CAPN7: variants seen among roughly 807,000 people sequenced by gnomAD.
CAPN7 encodes the protein calpain-7.
Under a neutral mutation model 115.2 loss-of-function variants are expected in CAPN7, and 72 were observed. The ratio of observed to expected loss-of-function variants is 0.63; its 90% CI spans 0.52 to 0.76. CAPN7 has a LOEUF of 0.76. Among genes scored for constraint, CAPN7 ranks in the 30% least tolerant of loss-of-function variants. The pLI, the probability that CAPN7 is intolerant of heterozygous loss-of-function variation, is 0.00. For missense variants in CAPN7, 905 were observed against 971.5 expected (o/e 0.93, Z 0.91); for synonymous variants, 344 against 322.3 (o/e 1.07, Z -0.72).
chr3:15,221,135 AAT>A (rs1693956410), intron 5 of CAPN7, 154 bp downstream of exon 5: 1 of 539,278 alleles, frequency 1.9e-6, no homozygotes, highest in African/African-American at 1.9e-5. Flanking sequence ...CACAACTTGA[AAT>A]AGTTAAAATT....
intron 5 of CAPN7, among the ~76,000 whole-genome samples, chr3:15,222,065 T>A (rs1385371377): frequency 2.1e-5 from 3 of 141,258 alleles, no homozygotes; most frequent in Admixed American, 6.9e-5. Context: ...AGGTTTTACA[T>A]GCATCAAAAA....
chr3:15,232,451 T>C lies in CAPN7; in HGVS notation c.1033-68T>C, dbSNP rs369807478. 7.0e-6 allele frequency: 9 copies of C among 1,294,954 alleles called. No individual in the cohort carries two copies. The East Asian group carries it at 7.2e-5, about 10-fold the overall frequency. The allele number at this position is 1,294,954 out of a possible 1,614,324, so 80.2% of individuals were successfully genotyped here. On this transcript the variant is annotated intron_variant, in intron 9 of 20. Coordinates refer to ENST00000253693, the MANE Select transcript of CAPN7 (RefSeq NM_014296.3). ...TTTATCAGTATGAAAGGTATGTTTT[T>C]ATTTCTTGATAGAAAGGATTTTAAG...
Position 15,225,274 on chromosome 3 carries a change from A to G in CAPN7, c.725+1713A>G, listed in dbSNP as rs1212228450. ...CCTCTTTGACTAATGATTTTACTTC[A>G]GGAATCCAGTTGTAAGGAACTATTT... On this transcript the variant is annotated intron_variant, in intron 6 of 20. Coordinates refer to ENST00000253693, the MANE Select transcript of CAPN7 (RefSeq NM_014296.3). 2.6e-5 allele frequency among the ~76,000 whole-genome samples: 4 copies of G among 152,336 alleles called. No individual in the cohort carries two copies. In the East Asian group the frequency reaches 7.7e-4, roughly 29 times the overall value.
intron 15 of CAPN7, among the ~76,000 whole-genome samples, chr3:15,241,976 T>TAC (rs1435112121): frequency 1.3e-5 from 2 of 152,230 alleles, no homozygotes; most frequent in Non-Finnish European, 2.9e-5. Flanking sequence ...TATACATTCA[T>TAC]ACATTGTGGT....
At chr3:15,218,583 G>T (rs1465595652) in intron 4 of CAPN7, 43 bp downstream of exon 4, 1 of 1,387,362 alleles carries the variant, frequency 7.2e-7, no homozygotes, top group East Asian at 2.3e-5. Context: ...ATGGCACTTA[G>T]TGTTATTTAA....
intron 6 of CAPN7, among the ~76,000 whole-genome samples, chr3:15,226,693 A>C (rs1164625482): frequency 2.6e-5 from 4 of 152,146 alleles, no homozygotes; most frequent in Non-Finnish European, 1.5e-5. Context: ...TGTTTGAGAT[A>C]TGTTATATGC....
At chr3:15,224,724 T>A (rs1205928404) in intron 6 of CAPN7, among the ~76,000 whole-genome samples, 2 of 152,168 alleles carry the variant, frequency 1.3e-5, no homozygotes, top group African/African-American at 4.8e-5. Flanking sequence ...ATTTCTCCAA[T>A]GAGCATGTTA....
intron 12 of CAPN7, among the ~76,000 whole-genome samples, chr3:15,239,638 A>T (rs1247981389): frequency 6.6e-6 from 1 of 152,242 alleles, no homozygotes; most frequent in Non-Finnish European, 1.5e-5. Flanking sequence ...GGAGAATTCA[A>T]AGTAATTAAA....
intron 9 of CAPN7, among the ~76,000 whole-genome samples, chr3:15,231,474 A>G (rs1000290101): frequency 2.6e-5 from 4 of 152,130 alleles, no homozygotes; most frequent in African/African-American, 4.8e-5. Flanking sequence ...TTAAAGATGT[A>G]TGGCATAATC....
chr3:15,227,910 A>G lies in CAPN7; in HGVS notation c.797A>G (p.Asp266Gly). ...TTFSKWVRPE[D>G]LTNNPTMIYT... is the part of the protein sequence containing the mutation. ...TTTTCCAAGTGGGTACGACCAGAAGACCTCACCAACAATCCTACAATGATA... is the reference window on the plus strand; with the variant it reads ...TTTTCCAAGTGGGTACGACCAGAAGGCCTCACCAACAATCCTACAATGATA... Residue 266 changes from aspartate (D) to glycine (G), a missense_variant, in exon 7 of 21, where the codon GAC becomes GGC. Transcript: ENST00000253693. 6.4e-7 allele frequency: 1 copy of G among 1,550,566 alleles called. No individual in the cohort carries two copies. The highest frequency in any genetic ancestry group is 8.7e-7 in the Non-Finnish European group (1 of 1,146,918).
intron 6 of CAPN7, among the ~76,000 whole-genome samples, chr3:15,224,877 T>A (rs968849619): frequency 2.6e-5 from 4 of 152,152 alleles, no homozygotes; most frequent in Non-Finnish European, 5.9e-5. Flanking sequence ...AGTTAACATA[T>A]TTTTTTCACT....
intron 4 of CAPN7, among the ~76,000 whole-genome samples, chr3:15,219,878 C>T (rs17480477): frequency 0.13 from 19,091 of 152,232 alleles, 1,662 homozygotes; most frequent in Non-Finnish European, 0.17. Flanking sequence ...CTCTCGTTTG[C>T]ACTTCTCACA....
Position 15,217,406 on chromosome 3 carries a change from A to G in CAPN7, c.212-19A>G. 1 of 1,539,896 alleles carries G rather than the reference A, an allele frequency of 6.5e-7. No homozygotes were observed. The highest frequency in any genetic ancestry group is 8.8e-7 in the Non-Finnish European group (1 of 1,136,142). On this transcript the variant is annotated intron_variant, in intron 2 of 20. Transcript: ENST00000253693. ...TATTTAGATAATACTCCTTCTGCGTATTTTTTTTTCTATCCTAGTTCAGTC... is the reference window on the plus strand; with the variant it reads ...TATTTAGATAATACTCCTTCTGCGTGTTTTTTTTTCTATCCTAGTTCAGTC...
rs749630786 is a variant in CAPN7 at position 15,231,919 on chromosome 3, C to G, written c.1033-600C>G. Among the ~76,000 whole-genome samples, 6 of 152,272 alleles carry G rather than the reference C, an allele frequency of 3.9e-5. No homozygotes were observed. In the South Asian group the frequency reaches 1.0e-3, roughly 26 times the overall value. On this transcript the variant is annotated intron_variant, in intron 9 of 20. Transcript: ENST00000253693. ...TTCTAGCCATAATGTTCTACTCTTA[C>G]AACTATACATGAGTCTTTTTATAGG...
intron 15 of CAPN7, 135 bp downstream of exon 15, chr3:15,241,723 G>T: frequency 1.5e-6 from 1 of 679,654 alleles, no homozygotes; most frequent in Non-Finnish European, 2.4e-6. Context: ...TCAGATAAAT[G>T]AATATTTTCC....
At chr3:15,243,462 A>G (rs905693790) in intron 16 of CAPN7, among the ~76,000 whole-genome samples, 6 of 152,154 alleles carry the variant, frequency 3.9e-5, no homozygotes, top group African/African-American at 1.2e-4. Context: ...GAGTTTGAAG[A>G]TAGGACTGCA....
chr3:15,244,063 A>C (rs1695513546), intron 16 of CAPN7, among the ~76,000 whole-genome samples: 1 of 152,206 alleles, frequency 6.6e-6, no homozygotes, highest in African/African-American at 2.4e-5. Flanking sequence ...GTTTTAAAAG[A>C]GACTATGATG....
chr3:15,242,197 G>A lies in CAPN7; in HGVS notation c.1808G>A (p.Arg603Gln), dbSNP rs1297426086. Residue 603 changes from arginine (R) to glutamine (Q), a missense_variant, in exon 16 of 21, where the codon CGA becomes CAA. This residue lies in a region of CAPN7 where 620 missense variants were observed against 703.4 expected (regional missense o/e 0.88). Transcript: ENST00000253693. Reference protein sequence around the residue: ...ITDKDDFANNREFITMVVYKT... With the variant: ...ITDKDDFANNQEFITMVVYKT... ...TTTTAGGATGATTTTGCGAATAATC[G>A]AGAATTTATCACAATGGTTGTATAC... The A allele has an allele frequency of 3.1e-6, 5 of 1,602,450 alleles. No homozygotes were observed. The highest frequency in any genetic ancestry group is 4.5e-5 in the East Asian group (2 of 44,362).
At chr3:15,210,350 A>G (rs994361110) in intron 1 of CAPN7, among the ~76,000 whole-genome samples, 1 of 152,152 alleles carries the variant, frequency 6.6e-6, no homozygotes, top group Non-Finnish European at 1.5e-5. Context: ...ATATATGTGT[A>G]TTATATACTT....
Sources: gnomAD v4.1 joint callset for allele counts (sites outside exome capture counted in the v4.1 genomes callset) on GRCh38, gnomAD v4.1.1 for gene constraint, gnomAD v4.1.1 regional missense constraint, MANE v1.5 for transcripts, NCBI Gene and HGNC (gene_info 2026-07-23, HGNC 2026-07-21) for gene names.